The following SETD2 variants were observed in gnomAD, a reference collection of about 807,000 sequenced individuals.
SETD2 encodes the protein SET domain containing 2, histone lysine methyltransferase, also known as histone-lysine N-methyltransferase SETD2.
In SETD2, 31 loss-of-function variants were observed where a neutral mutation model predicts 242.1. That is an observed-to-expected ratio of 0.13 (90% confidence interval 0.10 to 0.17). The LOEUF is 0.17. Among genes scored for constraint, SETD2 ranks in the 10% least tolerant of loss-of-function variants. The pLI is 1.00. For synonymous variants in SETD2, 1,006 were observed against 1,066.5 expected, an observed-to-expected ratio of 0.94 and a Z score of 1.11; for missense variants, 2,481 against 3,046.3, an observed-to-expected ratio of 0.81 and a Z score of 4.37.
At chr3:47,105,489 T>C (rs1189624841) in intron 6 of SETD2, among the ~76,000 whole-genome samples, 5 of 151,968 alleles carry the variant, frequency 3.3e-5, no homozygotes, top group Non-Finnish European at 7.4e-5. Context: ...TACGTTTATC[T>C]TTACATATAT....
At chr3:47,077,717 A>G (rs2041151595) in intron 12 of SETD2, among the ~76,000 whole-genome samples, 1 of 152,242 alleles carries the variant, frequency 6.6e-6, no homozygotes, top group African/African-American at 2.4e-5. Flanking sequence ...AACGCGAGGA[A>G]CAAGAGATTC....
intron 1 of SETD2, among the ~76,000 whole-genome samples, chr3:47,151,827 CAAA>C (rs11360089): frequency 3.5e-4 from 35 of 99,884 alleles, no homozygotes; most frequent in Admixed American, 5.2e-4. Flanking sequence ...ACTCTTGTCT[CAAA>C]AAAAAAAAAA....
At chr3:47,103,746 A>ACG (rs569148944) in intron 6 of SETD2, among the ~76,000 whole-genome samples, 11 of 151,670 alleles carry the variant, frequency 7.3e-5, no homozygotes, top group Non-Finnish European at 1.5e-4. Context: ...ACACGCACGC[A>ACG]CACACACACA....
rs1435057121 is a variant in SETD2 at position 47,121,651 on chromosome 3, G to A, written c.2985C>T (p.Asp995=). Residue 995 remains aspartate, a synonymous_variant, in exon 3 of 21, where the codon GAC becomes GAT. Transcript: ENST00000409792. ...GEGGHVHTSD[D]SEVVFSSCDL... is the part of the protein sequence containing the mutation. ...CACAAGAAGAAAATACAACTTCTGA[G>A]TCATCAGAAGTATGCACATGTCCTC... The A allele has an allele frequency of 1.6e-5, 26 of 1,613,260 alleles. No homozygotes were observed. Among genetic ancestry groups the A allele is most frequent in the Non-Finnish European group, 1.8e-5 (21 of 1,179,362 alleles).
chr3:47,065,627 C>T (rs1162765999), intron 13 of SETD2, among the ~76,000 whole-genome samples: 1 of 151,916 alleles, frequency 6.6e-6, no homozygotes, highest in Non-Finnish European at 1.5e-5. Flanking sequence ...GAGACTCTGT[C>T]TCTACAAAAA....
chr3:47,162,824 T>C (rs1697530607), intron 1 of SETD2, among the ~76,000 whole-genome samples: 3 of 152,202 alleles, frequency 2.0e-5, no homozygotes, highest in Admixed American at 6.5e-5. Flanking sequence ...AACAATGGTC[T>C]CGTGAGGGTT....
chr3:47,104,037 T>C (rs1463002154), intron 6 of SETD2, among the ~76,000 whole-genome samples: 1 of 152,142 alleles, frequency 6.6e-6, no homozygotes, highest in East Asian at 1.9e-4. Flanking sequence ...CCAAATCCCA[T>C]GGAGAGTTTG....
At chr3:47,068,493 CTTTTT>C (rs573954456) in intron 12 of SETD2, among the ~76,000 whole-genome samples, 2 of 108,696 alleles carry the variant, frequency 1.8e-5, no homozygotes, top group Non-Finnish European at 1.8e-5. Context: ...AATACACTAT[CTTTTT>C]TTTTTTTTTT....
chr3:47,049,072 A>G (rs1036755098), intron 15 of SETD2, among the ~76,000 whole-genome samples: 13 of 149,656 alleles, frequency 8.7e-5, no homozygotes, highest in Non-Finnish European at 1.5e-4. Flanking sequence ...CAATCCTCCC[A>G]TCTCAGCCTC....
intron 19 of SETD2, among the ~76,000 whole-genome samples, chr3:47,018,675 C>T (rs188478191): frequency 5.1e-4 from 78 of 152,290 alleles, no homozygotes; most frequent in African/African-American, 1.7e-3. Context: ...CAGTCTATCC[C>T]CTCAAACACA....
At chr3:47,049,575 T>A (rs568255522) in intron 15 of SETD2, among the ~76,000 whole-genome samples, 36 of 147,116 alleles carry the variant, frequency 2.4e-4, no homozygotes, top group Admixed American at 7.5e-4. Context: ...GGTTTCACCT[T>A]GTTAGCCAGG....
chr3:47,058,238 T>C (rs1575702615), intron 14 of SETD2, among the ~76,000 whole-genome samples: 1 of 147,990 alleles, frequency 6.8e-6, no homozygotes, highest in Admixed American at 6.7e-5. Context: ...AGGTCAGGAG[T>C]TCAAGACCAG....
intron 1 of SETD2, among the ~76,000 whole-genome samples, chr3:47,144,876 G>A (rs886263913): frequency 1.3e-5 from 2 of 152,032 alleles, no homozygotes; most frequent in Admixed American, 6.6e-5. Flanking sequence ...GCTTGAACCC[G>A]GGAAGCTGAG....
intron 14 of SETD2, among the ~76,000 whole-genome samples, chr3:47,058,995 G>A (rs1216267533): frequency 6.6e-6 from 1 of 151,112 alleles, no homozygotes; most frequent in Non-Finnish European, 1.5e-5. Context: ...ATTTTTAGTA[G>A]AGACAGGGTT....
In SETD2 at chr3:47,122,743, A is replaced by C; in HGVS notation, c.1893T>G (p.Asp631Glu). 1 of 1,611,278 alleles carries C rather than the reference A, an allele frequency of 6.2e-7. No homozygotes were observed. Among genetic ancestry groups the C allele is most frequent in the Non-Finnish European group, 8.5e-7 (1 of 1,179,198 alleles). Residue 631 changes from aspartate to glutamate, a missense_variant, in exon 3 of 21, where the codon GAT (aspartate) becomes GAG (glutamate). Around this residue, in one of 17 missense-constraint regions of SETD2, gnomAD observed 1,300 missense variants for 1,259.2 expected, o/e 1.03. Transcript: ENST00000409792. ...ATTCGGACTTAAAAATAGGCAATTC[A>C]TCTAGCTTTTTTAAAGTAGGTGAAT... ...LNDSPTLKKLDELPIFKSEFI... is the reference protein window; with the variant it reads ...LNDSPTLKKLEELPIFKSEFI...
chr3:47,153,593 A>C (rs1431985376), intron 1 of SETD2, among the ~76,000 whole-genome samples: 2 of 152,020 alleles, frequency 1.3e-5, no homozygotes, highest in South Asian at 4.1e-4. Context: ...TCTACAAAAA[A>C]AATTTAAAAA....
At chr3:47,101,009 CAAAAAAAAAAAAAA>C (rs1164475680) in intron 8 of SETD2, among the ~76,000 whole-genome samples, 2 of 23,100 alleles carry the variant, frequency 8.7e-5, no homozygotes, top group African/African-American at 1.5e-4. Context: ...GAGTCCATCT[CAAAAAAAAAAAAAA>C]AAAAAAAAAA....
chr3:47,017,841 T>A lies in SETD2; in HGVS notation c.7432-102A>T, dbSNP rs150163751. 8.1e-3 allele frequency: 6,481 copies of A among 800,810 alleles called. 53 individuals are homozygous for A. Among genetic ancestry groups the A allele is most frequent in the Non-Finnish European group, 0.012 (5,710 of 457,548 alleles). 49.6% of individuals were successfully genotyped at this position (800,810 alleles called of 1,614,324 possible). A position where few individuals can be genotyped will look rare whatever the true frequency, so the allele number is the denominator to read the frequency against. On this transcript the variant is annotated intron_variant, in intron 19 of 20. Coordinates refer to ENST00000409792, the MANE Select transcript of SETD2 (RefSeq NM_014159.7). The surrounding 1 kb of genome is among the most constrained non-coding windows in gnomAD (Gnocchi z 4.8). ...AAAGGTAGTGAGTAAAGCCAGCCAATCCTTCTCCTTTTCCTCCCTCAGGTT... is the reference window on the plus strand; with the variant it reads ...AAAGGTAGTGAGTAAAGCCAGCCAAACCTTCTCCTTTTCCTCCCTCAGGTT...
At position 47,045,291 on chromosome 3, in the gene SETD2, G is replaced by A. The variant is rs761670877; in HGVS notation, c.7098+1196C>T. On this transcript the variant is annotated intron_variant, in intron 16 of 20. Transcript: ENST00000409792. ...TCCCAGAACTTTGGGAGGCCAAGGC[G>A]GGTAGATCACGAGGTCAGGAGATTG... Among the ~76,000 whole-genome samples, 9 of 152,142 alleles carry A rather than the reference G, an allele frequency of 5.9e-5. No homozygotes were observed. The East Asian group carries it at 7.7e-4, about 13-fold the overall frequency.
Sources: gnomAD v4.1 joint callset for allele counts (sites outside exome capture counted in the v4.1 genomes callset) on GRCh38, gnomAD v4.1.1 for gene constraint, gnomAD v4.1.1 regional missense constraint, Gnocchi (gnomAD v3.1) non-coding constraint, MANE v1.5 for transcripts, NCBI Gene and HGNC (gene_info 2026-07-23, HGNC 2026-07-21) for gene names.